The following CACNB4 variants were observed in gnomAD, a reference collection of about 807,000 sequenced individuals.
CACNB4 encodes calcium voltage-gated channel auxiliary subunit beta 4.
A neutral mutation model predicts 71.2 loss-of-function variants in CACNB4; 32 were observed. That is an observed-to-expected ratio of 0.45 (90% CI 0.34 to 0.60). The LOEUF (loss-of-function observed/expected upper bound fraction) is 0.60, where lower values mean the gene tolerates loss of function less well. Ranked by LOEUF, CACNB4 falls within the 20% of genes least tolerant of loss-of-function variation. The pLI, the probability that CACNB4 is intolerant of heterozygous loss-of-function variation, is 0.01. For synonymous variants in CACNB4, 231 were observed against 236.9 expected (o/e 0.97, Z 0.23); for missense variants, 464 against 647.9 (o/e 0.72, Z 3.08).
At chr2:151,891,896 AG>A (rs1167162214) in intron 2 of CACNB4, among the ~76,000 whole-genome samples, 1 of 152,170 alleles carries the variant, frequency 6.6e-6, no homozygotes, top group African/African-American at 2.4e-5. Flanking sequence ...CACCCTGCCT[AG>A]TCAAAACTTC....
At chr2:151,952,313 AAG>A (rs2099867113) in intron 2 of CACNB4, among the ~76,000 whole-genome samples, 1 of 152,176 alleles carries the variant, frequency 6.6e-6, no homozygotes, top group Non-Finnish European at 1.5e-5. Flanking sequence ...AATGATTTTG[AAG>A]AGACAGCTAG....
At chr2:151,985,967 A>T (rs1372978387) in intron 2 of CACNB4, among the ~76,000 whole-genome samples, 1 of 152,190 alleles carries the variant, frequency 6.6e-6, no homozygotes, top group Non-Finnish European at 1.5e-5. Context: ...TACATTTTCT[A>T]AAAATTCCAA....
intron 2 of CACNB4, among the ~76,000 whole-genome samples, chr2:151,904,264 A>G (rs2099854195): frequency 6.6e-6 from 1 of 152,182 alleles, no homozygotes; most frequent in Non-Finnish European, 1.5e-5. Context: ...TCAAATCCTC[A>G]CTATTTATCT....
At chr2:151,984,245 T>C (rs1392849018) in intron 2 of CACNB4, among the ~76,000 whole-genome samples, 1 of 152,098 alleles carries the variant, frequency 6.6e-6, no homozygotes, top group Non-Finnish European at 1.5e-5. Context: ...ACACAAACAG[T>C]CCATTCCAAA....
rs147055688 is a variant in CACNB4 at position 151,853,438 on chromosome 2, T to C, written c.1116+10A>G. 3 of 1,546,040 alleles carry C rather than the reference T, an allele frequency of 1.9e-6. No homozygotes were observed. The highest frequency in any genetic ancestry group is 1.4e-5 in the African/African-American group (1 of 72,930). The stretch of plus-strand genomic sequence containing the variant: ...CAAGAATGATGAAGACAAAAAATGA[T>C]CATACTTACTGGGGGGCATTGTGCA... On this transcript the variant is annotated intron_variant, in intron 12 of 13. Transcript: ENST00000539935.
At chr2:151,961,088 G>A (rs929306357) in intron 2 of CACNB4, among the ~76,000 whole-genome samples, 1 of 152,028 alleles carries the variant, frequency 6.6e-6, no homozygotes, top group Non-Finnish European at 1.5e-5. Flanking sequence ...ACCCCTGCCC[G>A]GTCAACATAT....
At chr2:152,011,090 A>G (rs1464179043) in intron 2 of CACNB4, among the ~76,000 whole-genome samples, 1 of 152,212 alleles carries the variant, frequency 6.6e-6, no homozygotes, top group Non-Finnish European at 1.5e-5. Flanking sequence ...GGTTCAATAC[A>G]ATGAAGAACA....
intron 2 of CACNB4, among the ~76,000 whole-genome samples, chr2:152,094,639 C>A (rs1385800557): frequency 2.0e-5 from 3 of 152,184 alleles, no homozygotes; most frequent in Middle Eastern, 3.2e-3. Context: ...TTCCTTGTTA[C>A]ATGTCACCGT....
At chr2:151,954,726 T>G (rs2099867745) in intron 2 of CACNB4, among the ~76,000 whole-genome samples, 1 of 152,040 alleles carries the variant, frequency 6.6e-6, no homozygotes, top group Non-Finnish European at 1.5e-5. Context: ...AATCCTATTT[T>G]CAAGACAATA....
At chr2:152,087,817 C>T (rs200112419) in intron 2 of CACNB4, among the ~76,000 whole-genome samples, 137 of 151,664 alleles carry the variant, frequency 9.0e-4, no homozygotes, top group East Asian at 8.8e-3. Flanking sequence ...CCCAGGAGTT[C>T]GAGGCTGCAG....
intron 2 of CACNB4, among the ~76,000 whole-genome samples, chr2:151,961,535 A>G (rs2099869642): frequency 6.6e-6 from 1 of 152,202 alleles, no homozygotes; most frequent in African/African-American, 2.4e-5. Flanking sequence ...CACATCTCCA[A>G]AGGAAGACGA....
chr2:151,995,510 A>G lies in CACNB4; in HGVS notation c.147+102820T>C, dbSNP rs548314215. Among the ~76,000 whole-genome samples, 57 of 152,342 alleles carry G rather than the reference A, an allele frequency of 3.7e-4. 1 individual carries two copies. Among genetic ancestry groups the G allele is most frequent in the Middle Eastern group, 3.4e-3 (1 of 294 alleles). On this transcript the variant is annotated intron_variant, in intron 2 of 13. Transcript: ENST00000539935. The stretch of plus-strand genomic sequence containing the variant: ...GACATGCTTTATTAAAGTCTGTACC[A>G]TCCTGGCTAACACAGTGAAACCCCG...
intron 2 of CACNB4, among the ~76,000 whole-genome samples, chr2:152,042,179 A>G (rs1292000883): frequency 6.6e-6 from 1 of 152,226 alleles, no homozygotes; most frequent in Non-Finnish European, 1.5e-5. Context: ...ATTGCTACTA[A>G]GCATGGAGAG....
chr2:152,072,853 G>A (rs1210222007), intron 2 of CACNB4, among the ~76,000 whole-genome samples: 1 of 150,506 alleles, frequency 6.6e-6, no homozygotes, highest in Admixed American at 6.6e-5. Flanking sequence ...GTTTCACCGT[G>A]TTAGCCAGGA....
chr2:151,910,339 GAT>G (rs2099855880), intron 2 of CACNB4, among the ~76,000 whole-genome samples: 1 of 152,160 alleles, frequency 6.6e-6, no homozygotes, highest in African/African-American at 2.4e-5. Context: ...TCACTCTCAT[GAT>G]AGTTTCTTTT....
At position 152,019,503 on chromosome 2, in the gene CACNB4, G is replaced by A. The variant is rs543252787; in HGVS notation, c.147+78827C>T. On this transcript the variant is annotated intron_variant, in intron 2 of 13. Transcript: ENST00000539935. Reference sequence around the variant, plus strand: ...TACATGTTTAATTGGTGAATGATGGGTGGATGGGTGGGTGGGCAGATGGAT... The same window carrying A: ...TACATGTTTAATTGGTGAATGATGGATGGATGGGTGGGTGGGCAGATGGAT... Among the ~76,000 whole-genome samples, 5 of 152,262 alleles carry A rather than the reference G, an allele frequency of 3.3e-5. No individual in the cohort carries two copies. The East Asian group carries it at 9.7e-4, about 29-fold the overall frequency.
intron 2 of CACNB4, among the ~76,000 whole-genome samples, chr2:151,945,813 G>A (rs1350365471): frequency 6.6e-6 from 1 of 151,346 alleles, no homozygotes; most frequent in Non-Finnish European, 1.5e-5. Flanking sequence ...GGAGTTCAAG[G>A]CTGCAGTGAG....
chr2:152,044,306 C>T (rs571264373), intron 2 of CACNB4, among the ~76,000 whole-genome samples: 106 of 152,080 alleles, frequency 7.0e-4, no homozygotes, highest in Admixed American at 1.7e-3. Context: ...CTGCAAGCTC[C>T]GCCTCCCAGG....
intron 12 of CACNB4, chr2:151,851,904 G>C (rs2099839154): frequency 2.6e-5 from 4 of 152,176 alleles, no homozygotes; most frequent in Admixed American, 2.6e-4. Flanking sequence ...TAGAAGGTCA[G>C]GGCTGGGCAA....
Sources: allele counts gnomAD v4.1 joint callset (sites outside exome capture counted in the v4.1 genomes callset), GRCh38; gene constraint gnomAD v4.1.1; transcripts MANE v1.5; gene names NCBI Gene and HGNC (gene_info 2026-07-23, HGNC 2026-07-21).